Variants in SMOX observed in about 807,000 individuals in gnomAD.
SMOX encodes the protein flavin containing amine oxidase.
In SMOX, 22 loss-of-function variants were observed where a neutral mutation model predicts 51.0. The observed-to-expected ratio is 0.43, with a 90% CI of 0.31 to 0.62. SMOX has a LOEUF of 0.62. Among genes scored for constraint, SMOX ranks in the 20% least tolerant of loss-of-function variants. The pLI, the probability that SMOX is intolerant of heterozygous loss-of-function variation, is 0.10. For missense variants in SMOX, 566 were observed against 777.7 expected (o/e 0.73, Z 3.24); for synonymous variants, 282 against 307.8 (o/e 0.92, Z 0.88).
At position 4,177,328 on chromosome 20, in the gene SMOX, G is replaced by C. The variant is rs6052417; in HGVS notation, c.209-23G>C. The stretch of plus-strand genomic sequence containing the variant: ...TCTGGAGAAGTCCCTAAGCCTCTAA[G>C]GGCCTGCTGTTGTCACCCTCAGGAC... On this transcript the variant is annotated intron_variant, in intron 2 of 6. Transcript: ENST00000305958. The surrounding 1 kb of genome is among the most constrained non-coding windows in gnomAD (Gnocchi z 4.3). 1 of 1,549,150 alleles carries C rather than the reference G, an allele frequency of 6.5e-7. No homozygotes were observed.
rs1985879351 is a variant in SMOX, at chr20:4,153,874, C to G, written c.-27+4897C>G. On this transcript the variant is annotated intron_variant, in intron 1 of 6. Coordinates refer to ENST00000305958, the MANE Select transcript of SMOX (RefSeq NM_175839.3). This position sits in a 1 kb window ranked among gnomAD's most constrained non-coding sequence, Gnocchi z 4.4. ...GCAGGCTAGAGCTGAGGTGGACTTC[C>G]TGACAAGTAGACACTGGGCCTTGTT... Among the ~76,000 whole-genome samples the G allele has an allele frequency of 6.6e-6, 1 of 152,172 alleles. No homozygotes were observed. The highest frequency in any genetic ancestry group is 2.4e-5 in the African/African-American group (1 of 41,436).
In SMOX at chr20:4,183,595, G is replaced by A. The variant is rs1330034249; in HGVS notation, c.1471G>A (p.Gly491Arg). 7 of 1,610,512 alleles carry A rather than the reference G, an allele frequency of 4.3e-6. No individual in the cohort carries two copies. Among genetic ancestry groups the A allele is most frequent in the Non-Finnish European group, 5.9e-6 (7 of 1,178,106 alleles). ...TTCATACACGCAGGTGGGCTCCAGC[G>A]GGGCGGATGTGGAGAAGCTGGCCAA... ...SYSYTQVGSS[G>R]ADVEKLAKPL... Residue 491 changes from glycine to arginine, a missense_variant, in exon 6 of 7, where the codon GGG becomes AGG. Physicochemically the swap from Gly to Arg is moderately radical, Grantham distance 125 (BLOSUM62 -2). Transcript: ENST00000305958. The surrounding 1 kb of genome is among the most constrained non-coding windows in gnomAD (Gnocchi z 4.3).
At chr20:4,159,269 G>A (rs372212272) in intron 1 of SMOX, among the ~76,000 whole-genome samples, 50 of 152,188 alleles carry the variant, frequency 3.3e-4, no homozygotes, top group African/African-American at 4.3e-4. Context: ...CTGCCACCAC[G>A]CCCGGCTAAT....
At chr20:4,157,935 C>G (rs911093239) in intron 1 of SMOX, among the ~76,000 whole-genome samples, 6 of 151,996 alleles carry the variant, frequency 3.9e-5, no homozygotes, top group Non-Finnish European at 8.8e-5. Flanking sequence ...GAGTCTCGCT[C>G]TGTCGCCCAG....
Position 4,153,435 on chromosome 20 carries a change from G to C in SMOX, c.-27+4458G>C, listed in dbSNP as rs995253851. 6.6e-6 allele frequency among the ~76,000 whole-genome samples: 1 copy of C among 152,136 alleles called. No individual in the cohort carries two copies. Among genetic ancestry groups the C allele is most frequent in the African/African-American group, 2.4e-5 (1 of 41,418 alleles). On this transcript the variant is annotated intron_variant, in intron 1 of 6. Transcript: ENST00000305958. This position sits in a 1 kb window ranked among gnomAD's most constrained non-coding sequence, Gnocchi z 4.4. ...CCTGGGATGCCAGGCTGAGGAACTG[G>C]GCCAGGAAGGAGGGAGGAGGGTGTG...
In SMOX at chr20:4,177,693, G is replaced by A. The variant is rs916084676; in HGVS notation, c.435+116G>A. On this transcript the variant is annotated intron_variant, in intron 3 of 6. Coordinates refer to ENST00000305958, the MANE Select transcript of SMOX (RefSeq NM_175839.3). This position sits in a 1 kb window ranked among gnomAD's most constrained non-coding sequence, Gnocchi z 4.3. ...CTTGCATTTGGAAAACCAGGATAAT[G>A]TGAGGGTAAAATGAAAATATTCAGT... 1.4e-5 allele frequency: 13 copies of A among 912,160 alleles called. No homozygotes were observed. The highest frequency in any genetic ancestry group is 2.4e-5 in the Admixed American group (1 of 40,830). The allele number at this position is 912,160 out of a possible 1,614,324, so 56.5% of individuals were successfully genotyped here.
chr20:4,158,562 C>T (rs1568731678), intron 1 of SMOX, among the ~76,000 whole-genome samples: 2 of 152,148 alleles, frequency 1.3e-5, no homozygotes, highest in Non-Finnish European at 2.9e-5. Context: ...AGAACAAGAA[C>T]TTGGAAGTGA....
At chr20:4,152,095 A>G (rs1049694608) in intron 1 of SMOX, among the ~76,000 whole-genome samples, 1 of 152,232 alleles carries the variant, frequency 6.6e-6, no homozygotes, top group African/African-American at 2.4e-5. Flanking sequence ...TGGAGAAGGT[A>G]TGCGTGGCTG....
chr20:4,168,064 C>T (rs905632413), intron 1 of SMOX, among the ~76,000 whole-genome samples: 2 of 151,314 alleles, frequency 1.3e-5, no homozygotes, highest in Non-Finnish European at 2.9e-5. Context: ...GAGCAGCTCC[C>T]CAGCTTCCCT....
chr20:4,183,226 G>A lies in SMOX; in HGVS notation c.1370-268G>A, dbSNP rs938939426. 8 of 577,180 alleles carry A rather than the reference G, an allele frequency of 1.4e-5. No individual in the cohort carries two copies. Among genetic ancestry groups the A allele is most frequent in the African/African-American group, 3.7e-5 (2 of 53,360 alleles). 35.8% of individuals were successfully genotyped at this position (577,180 alleles called of 1,614,324 possible). ...CTCACGAGAACCCCCGATATTAGGC[G>A]GGGAAACATGATTATGTGTCATGTG... On this transcript the variant is annotated intron_variant, in intron 5 of 6. Coordinates refer to ENST00000305958, the MANE Select transcript of SMOX (RefSeq NM_175839.3). This position sits in a 1 kb window ranked among gnomAD's most constrained non-coding sequence, Gnocchi z 4.3.
intron 1 of SMOX, among the ~76,000 whole-genome samples, chr20:4,169,767 GGTTCGAGC>G (rs1986742826): frequency 6.6e-6 from 1 of 152,108 alleles, no homozygotes; most frequent in Non-Finnish European, 1.5e-5. Flanking sequence ...CCTTGCTGGT[GGTTCGAGC>G]AACACCCACC....
chr20:4,164,649 C>T (rs557050309), intron 1 of SMOX, among the ~76,000 whole-genome samples: 1 of 152,294 alleles, frequency 6.6e-6, no homozygotes, highest in South Asian at 2.1e-4. Context: ...AGAGAAGTGT[C>T]TCTTCCTGGG....
At chr20:4,168,946 T>TG (rs1278069453) in intron 1 of SMOX, among the ~76,000 whole-genome samples, 20 of 132,270 alleles carry the variant, frequency 1.5e-4, no homozygotes, top group South Asian at 6.7e-4. Context: ...TTTTATTTTA[T>TG]TTTATGTTAT....
chr20:4,181,364 C>G lies in SMOX; in HGVS notation c.436-439C>G, dbSNP rs540155719. Among the ~76,000 whole-genome samples the G allele has an allele frequency of 6.6e-6, 1 of 152,146 alleles. No individual in the cohort carries two copies. The highest frequency in any genetic ancestry group is 1.5e-5 in the Non-Finnish European group (1 of 68,026). On this transcript the variant is annotated intron_variant, in intron 3 of 6. Coordinates refer to ENST00000305958, the MANE Select transcript of SMOX (RefSeq NM_175839.3). The surrounding 1 kb of genome is among the most constrained non-coding windows in gnomAD (Gnocchi z 5.6). The stretch of plus-strand genomic sequence containing the variant: ...CAGCTCCAGACTGCCCTCTTGGGAG[C>G]GGGCAAAGCAGACACACTTGGGCAG...
chr20:4,186,595 A>G (rs1387860130), intron 6 of SMOX: 1 of 603,628 alleles, frequency 1.7e-6, no homozygotes, highest in Non-Finnish European at 3.0e-6. Flanking sequence ...TCCGAGAACC[A>G]GTTCAAAGGT....
rs959497197 is a variant in SMOX at position 4,153,638 on chromosome 20, A to G, written c.-27+4661A>G. ...TGAGGGGATCTGCTCATCTATCTGGACAGATCCTGCCAGCCTCCTAGGAAG... is the reference window on the plus strand; with the variant it reads ...TGAGGGGATCTGCTCATCTATCTGGGCAGATCCTGCCAGCCTCCTAGGAAG... On this transcript the variant is annotated intron_variant, in intron 1 of 6. Coordinates refer to ENST00000305958, the MANE Select transcript of SMOX (RefSeq NM_175839.3). The surrounding 1 kb of genome is among the most constrained non-coding windows in gnomAD (Gnocchi z 4.4). 6.6e-6 allele frequency among the ~76,000 whole-genome samples: 1 copy of G among 152,140 alleles called. No homozygotes were observed. The highest frequency in any genetic ancestry group is 6.6e-5 in the Admixed American group (1 of 15,260).
intron 1 of SMOX, among the ~76,000 whole-genome samples, chr20:4,151,286 C>T (rs1018582514): frequency 2.6e-5 from 4 of 151,926 alleles, no homozygotes; most frequent in Admixed American, 6.5e-5. Context: ...CAAGCCAAGC[C>T]GCGTAACCCT....
Position 4,167,499 on chromosome 20 carries a change from G to A in SMOX, c.-26-7531G>A, listed in dbSNP as rs1162407680. Reference sequence around the variant, plus strand: ...CGGATGGGAAAGCTTGAAGACCAAAGTGAGCCTTTAAATATCAGATAGGGC... The same window carrying A: ...CGGATGGGAAAGCTTGAAGACCAAAATGAGCCTTTAAATATCAGATAGGGC... On this transcript the variant is annotated intron_variant, in intron 1 of 6. Transcript: ENST00000305958. This position sits in a 1 kb window ranked among gnomAD's most constrained non-coding sequence, Gnocchi z 4.8. Among the ~76,000 whole-genome samples, 1 of 152,182 alleles carries A rather than the reference G, an allele frequency of 6.6e-6. No individual in the cohort carries two copies. The highest frequency in any genetic ancestry group is 1.5e-5 in the Non-Finnish European group (1 of 68,032).
chr20:4,177,721 G>A lies in SMOX; in HGVS notation c.435+144G>A, dbSNP rs1043303591. On this transcript the variant is annotated intron_variant, in intron 3 of 6. Coordinates refer to ENST00000305958, the MANE Select transcript of SMOX (RefSeq NM_175839.3). The surrounding 1 kb of genome is among the most constrained non-coding windows in gnomAD (Gnocchi z 4.3). ...AGGGTAAAATGAAAATATTCAGTGG[G>A]ATAGAACTGATTTTTATATATTGAT... The A allele has an allele frequency of 1.4e-5, 9 of 665,800 alleles. No individual in the cohort carries two copies. The highest frequency in any genetic ancestry group is 2.2e-5 in the Non-Finnish European group (9 of 404,606). The allele number at this position is 665,800 out of a possible 1,614,324, so 41.2% of individuals were successfully genotyped here.
Sources: gnomAD v4.1 joint callset for allele counts (sites outside exome capture counted in the v4.1 genomes callset) on GRCh38, gnomAD v4.1.1 for gene constraint, Gnocchi (gnomAD v3.1) non-coding constraint, MANE v1.5 for transcripts, NCBI Gene and HGNC (gene_info 2026-07-23, HGNC 2026-07-21) for gene names.